OSBPL8: variants seen among roughly 807,000 people sequenced by gnomAD.
OSBPL8 encodes the protein oxysterol-binding protein-related protein 8.
Under a neutral mutation model 125.5 loss-of-function variants are expected in OSBPL8, and 59 were observed. That is an observed-to-expected ratio of 0.47 (90% CI 0.38 to 0.58). OSBPL8 has a LOEUF of 0.58. Among genes scored for constraint, OSBPL8 ranks in the 20% least tolerant of loss-of-function variants. The pLI is 0.00. For missense variants in OSBPL8, 758 were observed against 1,047.8 expected, an observed-to-expected ratio of 0.72 and a Z score of 3.82; for synonymous variants, 330 against 338.9, an observed-to-expected ratio of 0.97 and a Z score of 0.29.
At chr12:76,509,650 T>C (rs969494917) in intron 1 of OSBPL8, among the ~76,000 whole-genome samples, 1 of 151,978 alleles carries the variant, frequency 6.6e-6, no homozygotes, top group African/African-American at 2.4e-5. Flanking sequence ...ACTATAATAG[T>C]AAGAAAAGCA....
intron 21 of OSBPL8, among the ~76,000 whole-genome samples, chr12:76,367,099 T>C (rs542311493): frequency 2.0e-4 from 30 of 152,208 alleles, no homozygotes; most frequent in Non-Finnish European, 4.1e-4. Context: ...TTCCTCCTTA[T>C]TGATCTTCTA....
chr12:76,444,712 A>T (rs1872561816), intron 4 of OSBPL8, among the ~76,000 whole-genome samples: 2 of 152,204 alleles, frequency 1.3e-5, no homozygotes, highest in South Asian at 4.1e-4. Context: ...GCTACATCAG[A>T]CACACTTGGA....
chr12:76,391,654 T>A (rs1281614761), intron 10 of OSBPL8, among the ~76,000 whole-genome samples: 3 of 152,168 alleles, frequency 2.0e-5, no homozygotes, highest in Non-Finnish European at 4.4e-5. Context: ...TTCTCACTAC[T>A]GGGCAGGTTG....
intron 2 of OSBPL8, among the ~76,000 whole-genome samples, chr12:76,480,385 G>A (rs139105262): frequency 2.0e-5 from 3 of 152,234 alleles, no homozygotes; most frequent in South Asian, 2.1e-4. Flanking sequence ...AGGAAGGTGG[G>A]AGTATAGATG....
chr12:76,466,102 C>T lies in OSBPL8; in HGVS notation c.43-6207G>A, dbSNP rs138433202. On this transcript the variant is annotated intron_variant, in intron 2 of 23. Coordinates refer to ENST00000261183, the MANE Select transcript of OSBPL8 (RefSeq NM_020841.5). Reference sequence around the variant, plus strand: ...ATAAAGAAGCTTGTATGATATGACCCTACTTTTATAAATTTTCTTATACAC... The same window carrying T: ...ATAAAGAAGCTTGTATGATATGACCTTACTTTTATAAATTTTCTTATACAC... Among the ~76,000 whole-genome samples the T allele has an allele frequency of 6.5e-3, 993 of 152,128 alleles. 6 individuals are homozygous for T. Among genetic ancestry groups the T allele is most frequent in the Middle Eastern group, 0.037 (11 of 294 alleles).
chr12:76,428,047 C>T (rs1870358206), intron 4 of OSBPL8, among the ~76,000 whole-genome samples: 1 of 151,952 alleles, frequency 6.6e-6, no homozygotes, highest in South Asian at 2.1e-4. Flanking sequence ...TACAAGAGAC[C>T]ATGGTCCAAA....
rs191966849 is a variant in OSBPL8 at position 76,354,450 on chromosome 12, C to T, written c.*1439G>A. ...AATCTTGTATTTATCATGGCATAAA[C>T]GATTATAATTTTACTATTTCACAGC... is the stretch of plus-strand genomic sequence containing the variant. On this transcript the variant is annotated 3_prime_UTR_variant, in exon 24 of 24. Coordinates refer to ENST00000261183, the MANE Select transcript of OSBPL8 (RefSeq NM_020841.5). The T allele has an allele frequency of 1.1e-4, 16 of 151,724 alleles. No homozygotes were observed. Among genetic ancestry groups the T allele is most frequent in the East Asian group, 3.9e-4 (2 of 5,172 alleles). 9.4% of individuals were successfully genotyped at this position (151,724 alleles called of 1,614,324 possible).
intron 2 of OSBPL8, among the ~76,000 whole-genome samples, chr12:76,469,382 G>C (rs1354641375): frequency 6.6e-6 from 1 of 152,112 alleles, no homozygotes; most frequent in Non-Finnish European, 1.5e-5. Flanking sequence ...TATTCCATCT[G>C]TCTTGTCACT....
chr12:76,384,271 G>A lies in OSBPL8; in HGVS notation c.1613C>T (p.Ala538Val). The A allele has an allele frequency of 6.5e-7, 1 of 1,541,956 alleles. No individual in the cohort carries two copies. Among genetic ancestry groups the A allele is most frequent in the South Asian group, 1.3e-5 (1 of 77,798 alleles). ...AAACTCACCATAAAACTTAGACTTA[G>A]CCAGGATACTACCGCTAAGGCAAAA... Reference protein sequence around the residue: ...DGFCLSGSILAKSKFYGNSLS... With the variant: ...DGFCLSGSILVKSKFYGNSLS... Residue 538 changes from alanine (A) to valine (V), a missense_variant, in exon 15 of 24, where the codon GCT becomes GTT. By Grantham distance (64) the Ala-to-Val change is moderately conservative. Around this residue, in one of 3 missense-constraint regions of OSBPL8, gnomAD observed 572 missense variants for 762.0 expected, o/e 0.75. Coordinates refer to ENST00000261183, the MANE Select transcript of OSBPL8 (RefSeq NM_020841.5).
intron 1 of OSBPL8, among the ~76,000 whole-genome samples, chr12:76,494,622 A>T (rs1310871511): frequency 6.6e-6 from 1 of 152,194 alleles, no homozygotes. Flanking sequence ...CGTGAGGATG[A>T]GAAAAGATAC....
chr12:76,390,504 T>G lies in OSBPL8; in HGVS notation c.1083A>C (p.Gln361His), dbSNP rs200245292. The change falls in exon 11 of 24, where the codon CAA becomes CAC. Residue 361 changes from glutamine (Q) to histidine (H), a missense_variant. By Grantham distance (24) the Gln-to-His change is conservative. Around this residue, in one of 3 missense-constraint regions of OSBPL8, gnomAD observed 572 missense variants for 762.0 expected, o/e 0.75. Transcript: ENST00000261183. ...EESDTDTSERQDDSYIEPEPV... is the reference protein window; with the variant it reads ...EESDTDTSERHDDSYIEPEPV... ...GCTCAGGTTCGATATATGAGTCATC[T>G]TGTCTTTCTGATGTATCTGTGTCAC... 78 of 1,613,970 alleles carry G rather than the reference T, an allele frequency of 4.8e-5. No homozygotes were observed. Among genetic ancestry groups the G allele is most frequent in the Non-Finnish European group, 6.1e-5 (72 of 1,179,914 alleles).
intron 4 of OSBPL8, among the ~76,000 whole-genome samples, chr12:76,447,729 T>C (rs754115108): frequency 7.9e-5 from 12 of 152,106 alleles, no homozygotes; most frequent in African/African-American, 1.2e-4. Context: ...TATTTTTAAG[T>C]AGAGATGGGG....
At position 76,392,644 on chromosome 12, in the gene OSBPL8, C is replaced by T. The variant is rs755817460; in HGVS notation, c.866G>A (p.Ser289Asn). Reference sequence around the variant, plus strand: ...TAAGCCATAGAAAGTCACATGTGTGCTATCTGATGAAACGCTCAGGTCATG... The same window carrying T: ...TAAGCCATAGAAAGTCACATGTGTGTTATCTGATGAAACGCTCAGGTCATG... ...KEHDLSVSSD[S>N]THVTFYGLLR... Residue 289 changes from serine to asparagine, a missense_variant, in exon 10 of 24, where the codon AGC becomes AAC. Ser to Asn is a conservative substitution (Grantham distance 46). This residue lies in a region of OSBPL8 where 572 missense variants were observed against 762.0 expected (regional missense o/e 0.75). Transcript: ENST00000261183. The T allele has an allele frequency of 4.3e-6, 7 of 1,614,044 alleles. No homozygotes were observed. In the South Asian group the frequency reaches 6.6e-5, roughly 15 times the overall value.
In OSBPL8 at chr12:76,392,880, T is replaced by C. The variant is rs1379769759; in HGVS notation, c.758-128A>G. On this transcript the variant is annotated intron_variant, in intron 9 of 23. Coordinates refer to ENST00000261183, the MANE Select transcript of OSBPL8 (RefSeq NM_020841.5). The stretch of plus-strand genomic sequence containing the variant: ...TGGAAAAGTTAATCTGAACATAACA[T>C]CTTGCTAGAATTTAATGAAATCTTT... The C allele has an allele frequency of 7.8e-6, 7 of 893,192 alleles. No individual in the cohort carries two copies. In the East Asian group the frequency reaches 1.3e-4, roughly 17 times the overall value. The allele number at this position is 893,192 out of a possible 1,614,324, so 55.3% of individuals were successfully genotyped here. A position where few individuals can be genotyped will look rare whatever the true frequency, so the allele number is the denominator to read the frequency against.
chr12:76,559,151 C>T (rs1371356374), intron 1 of OSBPL8, among the ~76,000 whole-genome samples: 2 of 152,198 alleles, frequency 1.3e-5, no homozygotes, highest in Non-Finnish European at 2.9e-5. Flanking sequence ...AGCCTCCCAC[C>T]CCCGTTCCCC....
intron 3 of OSBPL8, among the ~76,000 whole-genome samples, chr12:76,455,230 G>A (rs960278940): frequency 1.2e-4 from 18 of 151,272 alleles, no homozygotes; most frequent in African/African-American, 4.1e-4. Context: ...GCGACAGAGC[G>A]AGACTCTATC....
intron 12 of OSBPL8, among the ~76,000 whole-genome samples, chr12:76,388,017 T>C (rs941560377): frequency 4.6e-5 from 7 of 152,184 alleles, no homozygotes; most frequent in Non-Finnish European, 8.8e-5. Flanking sequence ...CTTGCTTTTC[T>C]TAAAAAAGGG....
At chr12:76,464,402 T>C (rs568766071) in intron 2 of OSBPL8, among the ~76,000 whole-genome samples, 3 of 152,298 alleles carry the variant, frequency 2.0e-5, no homozygotes, top group South Asian at 4.1e-4. Context: ...CGATAAGATA[T>C]ATCAGTAATA....
intron 1 of OSBPL8, among the ~76,000 whole-genome samples, chr12:76,552,342 C>T (rs1335339730): frequency 6.8e-6 from 1 of 146,352 alleles, no homozygotes; most frequent in East Asian, 2.1e-4. Context: ...ACAAGAATCA[C>T]TTGAGCCCAG....
Sources: gnomAD v4.1 joint callset for allele counts (sites outside exome capture counted in the v4.1 genomes callset) on GRCh38, gnomAD v4.1.1 for gene constraint, gnomAD v4.1.1 regional missense constraint, MANE v1.5 for transcripts, NCBI Gene and HGNC (gene_info 2026-07-23, HGNC 2026-07-21) for gene names.